The following FGD4 variants were observed in gnomAD, a reference collection of about 807,000 sequenced individuals.
The protein encoded by FGD4 is FYVE, RhoGEF and PH domain-containing protein 4.
Under a neutral mutation model 102.0 loss-of-function variants are expected in FGD4, and 42 were observed. That is an observed-to-expected ratio of 0.41 (90% CI 0.32 to 0.53). The LOEUF is 0.53. Among genes scored for constraint, FGD4 ranks in the 20% least tolerant of loss-of-function variants. The pLI is 0.21. For missense variants in FGD4, 902 were observed against 1,078.2 expected (o/e 0.84, Z 2.29); for synonymous variants, 380 against 375.7 (o/e 1.01, Z -0.13).
chr12:32,628,893 A>G (rs1950336837), intron 14 of FGD4, among the ~76,000 whole-genome samples: 1 of 152,222 alleles, frequency 6.6e-6, no homozygotes, highest in Non-Finnish European at 1.5e-5. Flanking sequence ...GGGGCATGAC[A>G]TGAAGTGAAT....
intron 1 of FGD4, among the ~76,000 whole-genome samples, chr12:32,401,891 T>C (rs1343093714): frequency 6.7e-6 from 1 of 149,178 alleles, no homozygotes; most frequent in Non-Finnish European, 1.5e-5. Flanking sequence ...CATGCACAGC[T>C]AATTTTTGTA....
chr12:32,500,195 A>G (rs1472037963), intron 1 of FGD4, among the ~76,000 whole-genome samples: 2 of 152,288 alleles, frequency 1.3e-5, no homozygotes, highest in East Asian at 1.9e-4. Flanking sequence ...GGCAAAGAGC[A>G]TAAGTTCTGA....
At chr12:32,491,691 T>C (rs1944098524) in intron 1 of FGD4, among the ~76,000 whole-genome samples, 1 of 152,234 alleles carries the variant, frequency 6.6e-6, no homozygotes, top group African/African-American at 2.4e-5. Context: ...TACATCATTA[T>C]AGCCCATCAT....
chr12:32,549,940 C>T (rs947760821), intron 1 of FGD4, among the ~76,000 whole-genome samples: 1 of 152,210 alleles, frequency 6.6e-6, no homozygotes, highest in African/African-American at 2.4e-5. Flanking sequence ...ACGTCTCCAG[C>T]GTTCCTCTTC....
At chr12:32,437,108 CA>C (rs5797478) in intron 1 of FGD4, among the ~76,000 whole-genome samples, 45,832 of 107,898 alleles carry the variant, frequency 0.42, 8,198 homozygotes, top group African/African-American at 0.59. Context: ...GACTCCATGT[CA>C]AAAAAAAAAA....
At chr12:32,450,463 C>G (rs986335519) in intron 1 of FGD4, among the ~76,000 whole-genome samples, 1 of 152,132 alleles carries the variant, frequency 6.6e-6, no homozygotes, top group Non-Finnish European at 1.5e-5. Context: ...ACTTCCCTTT[C>G]AAGCTGGCTT....
intron 16 of FGD4, 47 bp from the exon 17 acceptor site, chr12:32,640,229 C>T (rs755506131): frequency 2.2e-5 from 35 of 1,613,848 alleles, no homozygotes; most frequent in Non-Finnish European, 3.0e-5. Flanking sequence ...ACACACTTAA[C>T]AAGCGAATAC....
intron 1 of FGD4, among the ~76,000 whole-genome samples, chr12:32,462,580 C>T (rs1943137465): frequency 6.6e-6 from 1 of 150,660 alleles, no homozygotes. Context: ...TTTTTTTTAT[C>T]AGAACCACTA....
At chr12:32,501,342 G>T (rs1032975872) in intron 1 of FGD4, among the ~76,000 whole-genome samples, 17 of 152,156 alleles carry the variant, frequency 1.1e-4, no homozygotes, top group African/African-American at 4.1e-4. Flanking sequence ...CTAATAGTTG[G>T]TTTTTATGTG....
At chr12:32,479,171 T>G (rs1026494935) in intron 1 of FGD4, among the ~76,000 whole-genome samples, 1 of 152,224 alleles carries the variant, frequency 6.6e-6, no homozygotes, top group Non-Finnish European at 1.5e-5. Context: ...ACAGTCAGAT[T>G]TGAAAGCTGA....
intron 1 of FGD4, among the ~76,000 whole-genome samples, chr12:32,414,430 G>A (rs1941325546): frequency 6.6e-6 from 1 of 152,046 alleles, no homozygotes; most frequent in South Asian, 2.1e-4. Context: ...ATTCATCCTT[G>A]TGTTACAATC....
At chr12:32,588,172 T>C (rs1308673246) in intron 4 of FGD4, among the ~76,000 whole-genome samples, 2 of 151,968 alleles carry the variant, frequency 1.3e-5, no homozygotes, top group African/African-American at 2.4e-5. Context: ...GAACTAGGAG[T>C]TAACTTGGAG....
rs1938739040 is a variant in FGD4 at position 32,506,390 on chromosome 12, T to C, written c.167-57747T>C. ...GCATTCTCCCTTCTAGCCCTATCTA[T>C]ATGTGAAGTAAAATGATCAGAGTGC... On this transcript the variant is annotated intron_variant, in intron 1 of 16. Coordinates refer to ENST00000534526, the MANE Select transcript of FGD4 (RefSeq NM_001370298.3). This position sits in a 1 kb window ranked among gnomAD's most constrained non-coding sequence, Gnocchi z 4.5. Among the ~76,000 whole-genome samples the C allele has an allele frequency of 6.6e-6, 1 of 152,140 alleles. No homozygotes were observed. The highest frequency in any genetic ancestry group is 1.5e-5 in the Non-Finnish European group (1 of 68,032).
intron 1 of FGD4, among the ~76,000 whole-genome samples, chr12:32,535,362 CA>C (rs1254824726): frequency 1.3e-5 from 2 of 152,124 alleles, no homozygotes; most frequent in African/African-American, 4.8e-5. Flanking sequence ...CCTTAAGTGT[CA>C]GGGGCATACG....
At chr12:32,628,061 G>A (rs777707237) in intron 14 of FGD4, among the ~76,000 whole-genome samples, 2 of 152,194 alleles carry the variant, frequency 1.3e-5, no homozygotes, top group Non-Finnish European at 2.9e-5. Flanking sequence ...CCATGAGATT[G>A]AACAGCTAAG....
rs575943561 is a variant in FGD4, at chr12:32,604,936, C to CTTTTTTTTTTTTTTTTTTT, written c.1404+2620_1404+2638dup. ...TCAATTTTATCTAGCTTTATAGCTGCTTTTTTTTTTTTTTTTTTTGGAGTT... is the reference window on the plus strand; with the variant it reads ...TCAATTTTATCTAGCTTTATAGCTGCTTTTTTTTTTTTTTTTTTTTTTTTTTTTTTTTTTTTTTGGAGTT... On this transcript the variant is annotated intron_variant, in intron 7 of 16. Transcript: ENST00000534526. 1.1e-4 allele frequency among the ~76,000 whole-genome samples: 10 copies of CTTTTTTTTTTTTTTTTTTT among 94,522 alleles called. 1 individual carries two copies. The highest frequency in any genetic ancestry group is 3.0e-4 in the African/African-American group (6 of 20,026). 62.0% of individuals were successfully genotyped at this position (94,522 alleles called of 152,430 possible). A position where few individuals can be genotyped will look rare whatever the true frequency, so the allele number is the denominator to read the frequency against.
chr12:32,488,316 T>C (rs1438462889), intron 1 of FGD4, among the ~76,000 whole-genome samples: 1 of 152,204 alleles, frequency 6.6e-6, no homozygotes, highest in African/African-American at 2.4e-5. Context: ...TAGAGTACTT[T>C]GAGTTACTTA....
intron 1 of FGD4, chr12:32,511,952 T>C (rs1939416649): frequency 6.6e-6 from 1 of 152,206 alleles, no homozygotes; most frequent in Non-Finnish European, 1.5e-5. Flanking sequence ...GCATTTTGTG[T>C]GAAGCTGATT....
chr12:32,639,618 T>C (rs568667288), intron 16 of FGD4, among the ~76,000 whole-genome samples: 20 of 152,318 alleles, frequency 1.3e-4, no homozygotes, highest in African/African-American at 4.3e-4. Flanking sequence ...GATAAATCTA[T>C]GGGAACAATG....
Sources: allele counts gnomAD v4.1 joint callset (sites outside exome capture counted in the v4.1 genomes callset), GRCh38; gene constraint gnomAD v4.1.1; non-coding constraint Gnocchi (gnomAD v3.1); transcripts MANE v1.5; gene names NCBI Gene and HGNC (gene_info 2026-07-23, HGNC 2026-07-21).